Variants in NPHS1 observed in about 807,000 individuals in gnomAD.
NPHS1 encodes the protein NPHS1 adhesion molecule, nephrin.
In NPHS1, 107 loss-of-function variants were observed where a neutral mutation model predicts 139.7. That is an observed-to-expected ratio of 0.77 (90% CI 0.66 to 0.90). The LOEUF is 0.90. Among genes scored for constraint, NPHS1 ranks in the 40% least tolerant of loss-of-function variants. NPHS1 has a pLI of 0.00. For synonymous variants in NPHS1, 707 were observed against 706.6 expected (o/e 1.00, Z -0.01); for missense variants, 1,580 against 1,654.2 (o/e 0.96, Z 0.78).
intron 28 of NPHS1, among the ~76,000 whole-genome samples, chr19:35,827,323 T>C (rs809907): frequency 6.6e-6 from 1 of 151,672 alleles, no homozygotes; most frequent in South Asian, 2.1e-4. Context: ...ATTAGCTAGG[T>C]GTGGTGGTGA....
rs1402547024 is a variant in NPHS1, at chr19:35,844,123, C to T, written c.2192G>A (p.Arg731Gln). 6.2e-7 allele frequency: 1 copy of T among 1,608,314 alleles called. No homozygotes were observed. The highest frequency in any genetic ancestry group is 8.5e-7 in the Non-Finnish European group (1 of 1,179,900). The change falls in exon 16 of 29, where the codon CGG (arginine) becomes CAG (glutamine). Residue 731 changes from arginine to glutamine, a missense_variant. Transcript: ENST00000378910. ...CQNSEGTAEA[R>Q]LRLDVHYAPT... Reference sequence around the variant, plus strand: ...CTCACAGTGCACGTCCAGCCGCAGCCGCGCTTCCGCGGTGCCCTCAGAGTT... The same window carrying T: ...CTCACAGTGCACGTCCAGCCGCAGCTGCGCTTCCGCGGTGCCCTCAGAGTT...
rs757413070 is a variant in NPHS1 at position 35,841,805 on chromosome 19, C to G, written c.2725G>C (p.Val909Leu). 6.2e-7 allele frequency: 1 copy of G among 1,614,104 alleles called. No individual in the cohort carries two copies. The highest frequency in any genetic ancestry group is 1.7e-5 in the Admixed American group (1 of 60,004). ...VHSSLLTIAN[V>L]SAAQDYALFT... is the part of the protein sequence containing the mutation. Reference sequence around the variant, plus strand: ...AGGGCGTAATCCTGGGCGGCAGACACGTTGGCAATGGTCAGGAGGCTGCTG... The same window carrying G: ...AGGGCGTAATCCTGGGCGGCAGACAGGTTGGCAATGGTCAGGAGGCTGCTG... Residue 909 changes from valine to leucine, a missense_variant, in exon 20 of 29, where the codon GTG (valine) becomes CTG (leucine). Val to Leu is a conservative substitution (Grantham distance 32). Coordinates refer to ENST00000378910, the MANE Select transcript of NPHS1 (RefSeq NM_004646.4).
intron 8 of NPHS1, 65 bp from the exon 9 acceptor site, chr19:35,848,859 A>G: frequency 6.2e-7 from 1 of 1,611,806 alleles, no homozygotes; most frequent in Non-Finnish European, 8.5e-7. Context: ...CCCAGACAGA[A>G]CAGGACTGGA....
Position 35,826,583 on chromosome 19 carries a change from C to T in NPHS1, c.3657G>A (p.Gln1219=). 1.2e-6 allele frequency: 2 copies of T among 1,614,064 alleles called. No homozygotes were observed. The highest frequency in any genetic ancestry group is 1.7e-6 in the Non-Finnish European group (2 of 1,180,008). Residue 1219 remains glutamine (Q), a synonymous_variant, in exon 29 of 29, where the codon CAG becomes CAA. Transcript: ENST00000378910. ...TYQDPRGIYD[Q]VAGDLDTLEP... ...CCAGAGTGTCCAAGTCTCCGGCCACCTGGTCATAGATTCCTCTTGGATCCT... is the reference window on the plus strand; with the variant it reads ...CCAGAGTGTCCAAGTCTCCGGCCACTTGGTCATAGATTCCTCTTGGATCCT...
At chr19:35,833,371 A>T (rs1002179100) in intron 23 of NPHS1, among the ~76,000 whole-genome samples, 3 of 152,112 alleles carry the variant, frequency 2.0e-5, no homozygotes, top group Non-Finnish European at 2.9e-5. Flanking sequence ...CCCCAATCTC[A>T]GTCTTGGGTT....
chr19:35,835,826 T>C (rs1972950042), intron 22 of NPHS1, 65 bp from the exon 23 acceptor site: 8 of 1,416,638 alleles, frequency 5.6e-6, no homozygotes, highest in Non-Finnish European at 8.0e-6. Flanking sequence ...TAAATATTTC[T>C]CAGCCTCTTC....
At position 35,849,260 on chromosome 19, in the gene NPHS1, G is replaced by A. The variant is rs750860550; in HGVS notation, c.816C>T (p.Pro272=). Residue 272 remains proline (P), a synonymous_variant, in exon 7 of 29, where the codon CCC becomes CCT. Transcript: ENST00000378910. The part of the protein sequence containing the change: ...ELPCVARGGN[P]LATLQWLKNG... ...CCTTCAGCCACTGCAGTGTGGCTAA[G>A]GGATTACCCCCTCGGGCCACGCACG... The A allele has an allele frequency of 8.7e-6, 14 of 1,613,748 alleles. No homozygotes were observed. The African/African-American group carries it at 1.9e-4, about 22-fold the overall frequency.
rs386833869 is a variant in NPHS1 at position 35,848,673 on chromosome 19, C to T, written c.1134G>A (p.Trp378Ter). The T allele has an allele frequency of 6.2e-7, 1 of 1,614,048 alleles. No individual in the cohort carries two copies. Among genetic ancestry groups the T allele is most frequent in the Non-Finnish European group, 8.5e-7 (1 of 1,180,044 alleles). The change falls in exon 9 of 29, where the codon TGG (tryptophan) becomes TGA (stop). Residue 378 changes from tryptophan to a stop codon, truncating the protein, a stop_gained. Coordinates refer to ENST00000378910, the MANE Select transcript of NPHS1 (RefSeq NM_004646.4). LOFTEE classifies it high-confidence loss of function. ...TCTCCTCCATGGGCAGCAGCTGCCG[C>T]CAGCCCAGCCACCATCGTAGCAGAA... is the stretch of plus-strand genomic sequence containing the variant. ...PRVLLRWWLG[W>*]RQLLPMEETV...
Position 35,852,468 on chromosome 19 carries a change from T to C in NPHS1, c.-631A>G, listed in dbSNP as rs1436011984. On this transcript the variant is annotated 5_prime_UTR_variant, in exon 1 of 29. An upstream open reading frame in the 5' UTR loses its in-frame stop. Transcript: ENST00000378910. The stretch of plus-strand genomic sequence containing the variant: ...GAGGCTGATGCAGGCACTGGCAGAG[T>C]CAGCCCTGCTCTCTGACCCAGCTTG... Among the ~76,000 whole-genome samples the C allele has an allele frequency of 6.6e-6, 1 of 152,010 alleles. No homozygotes were observed. The highest frequency in any genetic ancestry group is 1.5e-5 in the Non-Finnish European group (1 of 67,980).
At chr19:35,847,418 A>G (rs533836249) in intron 11 of NPHS1, among the ~76,000 whole-genome samples, 16 of 131,054 alleles carry the variant, frequency 1.2e-4, no homozygotes, top group African/African-American at 4.8e-4. Flanking sequence ...GCAGTGGCAC[A>G]ACCTCGGCTC....
Position 35,851,355 on chromosome 19 carries a change from CA to C in NPHS1, c.303del (p.Cys101TrpfsTer27). ...TCATACTCCGCGTCATCGCTGAGGTCACAGGCCTCGATGTGCAGGTGGAATT... is the reference window on the plus strand; with the variant it reads ...TCATACTCCGCGTCATCGCTGAGGTCCAGGCCTCGATGTGCAGGTGGAATT... ...RGEFHLHIEACDLSDDAEYEC... is the reference protein window; with the variant it reads ...RGEFHLHIEAXDLSDDAEYEC... On this transcript the variant is annotated frameshift_variant, in exon 3 of 29. Transcript: ENST00000378910. LOFTEE classifies it high-confidence loss of function. 1.2e-6 allele frequency: 2 copies of C among 1,613,544 alleles called. No homozygotes were observed. The highest frequency in any genetic ancestry group is 1.7e-6 in the Non-Finnish European group (2 of 1,179,798).
At chr19:35,843,363 A>T in intron 17 of NPHS1, 109 bp downstream of exon 17, 1 of 1,334,016 alleles carries the variant, frequency 7.5e-7, no homozygotes, top group Non-Finnish European at 1.1e-6. Flanking sequence ...GCGAGTATAT[A>T]GTTATAAGGG....
At chr19:35,834,226 G>A (rs1277795585) in intron 23 of NPHS1, among the ~76,000 whole-genome samples, 1 of 152,064 alleles carries the variant, frequency 6.6e-6, no homozygotes, top group Non-Finnish European at 1.5e-5. Context: ...TGCTGCTTTT[G>A]ACCCCCGTGA....
rs1006352232 is a variant in NPHS1 at position 35,851,364 on chromosome 19, C to T, written c.295G>A (p.Glu99Lys). Residue 99 changes from glutamate (E) to lysine (K), a missense_variant, in exon 3 of 29, where the codon GAG becomes AAG. Glu to Lys is a moderately conservative substitution (Grantham distance 56, BLOSUM62 1). Transcript: ENST00000378910. ...PARGEFHLHI[E>K]ACDLSDDAEY... is the part of the protein sequence containing the mutation. ...GCGTCATCGCTGAGGTCACAGGCCT[C>T]GATGTGCAGGTGGAATTCACCTGCA... 31 of 1,613,188 alleles carry T rather than the reference C, an allele frequency of 1.9e-5. No homozygotes were observed. The highest frequency in any genetic ancestry group is 1.6e-4 in the Middle Eastern group (1 of 6,084).
chr19:35,833,819 C>T (rs1381170641), intron 23 of NPHS1, among the ~76,000 whole-genome samples: 3 of 152,148 alleles, frequency 2.0e-5, no homozygotes, highest in Non-Finnish European at 2.9e-5. Flanking sequence ...GCATCAGCCT[C>T]CTGAGTAGCT....
rs116700257 is a variant in NPHS1 at position 35,830,876 on chromosome 19, C to T, written c.3562G>A (p.Ala1188Thr). The T allele has an allele frequency of 3.0e-4, 480 of 1,613,560 alleles. 3 individuals carry two copies. The African/African-American group carries it at 5.8e-3, about 19-fold the overall frequency. Residue 1188 changes from alanine to threonine, a missense_variant, in exon 28 of 29, where the codon GCC becomes ACC. By Grantham distance (58) the Ala-to-Thr change is moderately conservative. Coordinates refer to ENST00000378910, the MANE Select transcript of NPHS1 (RefSeq NM_004646.4). ...ACTTCATCGTAGAGGGGTCCCCAGG[C>T]TCCAGACGGGGGGTACGTTCTTTCT... ...EVERTYPPSG[A>T]WGPLYDEVQM...
intron 23 of NPHS1, among the ~76,000 whole-genome samples, chr19:35,832,028 G>A (rs1972892825): frequency 6.6e-6 from 1 of 152,160 alleles, no homozygotes; most frequent in South Asian, 2.1e-4. Context: ...GCTTCAGCTC[G>A]TTAGCTGGGC....
chr19:35,846,262 C>A, intron 11 of NPHS1, 68 bp from the exon 12 acceptor site: 1 of 1,502,398 alleles, frequency 6.7e-7, no homozygotes, highest in Non-Finnish European at 9.0e-7. Context: ...AACCCCCCTA[C>A]CCTGCCCACT....
chr19:35,838,241 T>C (rs534879373), intron 22 of NPHS1, among the ~76,000 whole-genome samples: 1 of 145,912 alleles, frequency 6.9e-6, no homozygotes, highest in East Asian at 2.1e-4. Flanking sequence ...CAAAACTGCG[T>C]CTCAGAACAA....
Sources: allele counts gnomAD v4.1 joint callset (sites outside exome capture counted in the v4.1 genomes callset), GRCh38; gene constraint gnomAD v4.1.1; transcripts MANE v1.5; gene names NCBI Gene and HGNC (gene_info 2026-07-23, HGNC 2026-07-21).